The following GCN1 variants were observed in gnomAD, a reference collection of about 807,000 sequenced individuals.
GCN1 encodes the protein stalled ribosome sensor GCN1.
GCN1 carries 90 observed loss-of-function variants against 288.4 expected under a neutral mutation model. That is an observed-to-expected ratio of 0.31 (90% CI 0.26 to 0.37). The LOEUF (loss-of-function observed/expected upper bound fraction) is 0.37, where lower values mean the gene tolerates loss of function less well. Ranked by LOEUF, GCN1 falls within the 10% of genes least tolerant of loss-of-function variation. The probability of loss-of-function intolerance (pLI) is 1.00; values close to 1 mark genes in which losing one functional copy is unlikely to be tolerated. For missense variants in GCN1, 2,586 were observed against 3,419.9 expected (o/e 0.76, Z 6.08); for synonymous variants, 1,386 against 1,420.2 (o/e 0.98, Z 0.54).
intron 3 of GCN1, 22 bp downstream of exon 3, chr12:120,184,802 G>A (rs1363680812): frequency 5.7e-6 from 9 of 1,569,478 alleles, no homozygotes; most frequent in Non-Finnish European, 7.9e-6. Context: ...CTCCACATAT[G>A]GGGCCTTTGG....
rs1877231259 is a variant in GCN1, at chr12:120,142,559, A to T, written c.5777T>A (p.Leu1926His). 1.2e-6 allele frequency: 2 copies of T among 1,613,898 alleles called. No individual in the cohort carries two copies. Among genetic ancestry groups the T allele is most frequent in the African/African-American group, 2.7e-5 (2 of 74,908 alleles). ...CAGGAAACCCAGCAGGAGCCCAAAGAGAGTGGGTAGGATCTCACGCAAGGT... is the reference window on the plus strand; with the variant it reads ...CAGGAAACCCAGCAGGAGCCCAAAGTGAGTGGGTAGGATCTCACGCAAGGT... The part of the protein sequence containing the change: ...PRTLREILPT[L>H]FGLLLGFLAS... The change falls in exon 44 of 58, where the codon CTC becomes CAC. Residue 1926 changes from leucine to histidine, a missense_variant. Leu to His is a moderately conservative substitution (Grantham distance 99). This residue lies in a region of GCN1 where 437 missense variants were observed against 570.5 expected (regional missense o/e 0.77). Coordinates refer to ENST00000300648, the MANE Select transcript of GCN1 (RefSeq NM_006836.2). The surrounding 1 kb of genome is among the most constrained non-coding windows in gnomAD (Gnocchi z 4.9).
At chr12:120,180,843 A>G (rs1484191453) in intron 5 of GCN1, among the ~76,000 whole-genome samples, 3 of 151,554 alleles carry the variant, frequency 2.0e-5, no homozygotes, top group Admixed American at 1.3e-4. Context: ...AAAAAAAATT[A>G]GCTGGGCATG....
chr12:120,151,470 A>G, intron 33 of GCN1, 79 bp from the exon 34 acceptor site: 1 of 1,439,598 alleles, frequency 6.9e-7, no homozygotes, highest in Non-Finnish European at 9.5e-7. Context: ...ACCATTCTAC[A>G]CAGCACCCAC....
chr12:120,193,749 T>G (rs1243997042), intron 1 of GCN1, among the ~76,000 whole-genome samples: 4 of 152,228 alleles, frequency 2.6e-5, no homozygotes, highest in Non-Finnish European at 5.9e-5. Context: ...CCTCTCATAC[T>G]AAGCTTTTCT....
intron 34 of GCN1, 148 bp from the exon 35 acceptor site, chr12:120,150,191 G>A: frequency 2.8e-6 from 2 of 719,764 alleles, no homozygotes; most frequent in Non-Finnish European, 2.3e-6. Context: ...GCCCCATGAG[G>A]AGGCAGCACC....
intron 15 of GCN1, among the ~76,000 whole-genome samples, chr12:120,169,825 C>G (rs935730208): frequency 2.0e-5 from 3 of 152,344 alleles, no homozygotes; most frequent in Admixed American, 6.5e-5. Flanking sequence ...AAAGACAGGG[C>G]TAAGGGGAAG....
At position 120,134,437 on chromosome 12, in the gene GCN1, G is replaced by A; in HGVS notation, c.7203-32C>T. On this transcript the variant is annotated intron_variant, in intron 52 of 57. Transcript: ENST00000300648. This position sits in a 1 kb window ranked among gnomAD's most constrained non-coding sequence, Gnocchi z 5.0. ...AAGCAATGCACCGCCTTAAGCCCTGGGTGCCTCCACCACCACCCCTCCTGC... is the reference window on the plus strand; with the variant it reads ...AAGCAATGCACCGCCTTAAGCCCTGAGTGCCTCCACCACCACCCCTCCTGC... The A allele has an allele frequency of 1.9e-6, 3 of 1,596,400 alleles. No homozygotes were observed. Among genetic ancestry groups the A allele is most frequent in the Non-Finnish European group, 2.6e-6 (3 of 1,164,196 alleles).
chr12:120,170,789 TC>T (rs909701313), intron 14 of GCN1, among the ~76,000 whole-genome samples: 16 of 151,778 alleles, frequency 1.1e-4, no homozygotes, highest in African/African-American at 1.9e-4. Context: ...CTGGTACTCT[TC>T]CCCCATACAG....
In GCN1 at chr12:120,137,976, G is replaced by C; in HGVS notation, c.6318C>G (p.Thr2106=). The stretch of plus-strand genomic sequence containing the variant: ...CTGGGAGGATCACGCCAAGATGACG[G>C]GTGAGGGCATCACCAGCCACTGACG... ...FLSSVAGDAL[T]RHLGVILPAV... is the part of the protein sequence containing the mutation. The change falls in exon 48 of 58, where the codon ACC becomes ACG. Residue 2106 remains threonine, a synonymous_variant. Transcript: ENST00000300648. This position sits in a 1 kb window ranked among gnomAD's most constrained non-coding sequence, Gnocchi z 5.2. 1.2e-6 allele frequency: 2 copies of C among 1,614,140 alleles called. No homozygotes were observed. The highest frequency in any genetic ancestry group is 1.7e-6 in the Non-Finnish European group (2 of 1,180,014).
chr12:120,164,502 G>A lies in GCN1; in HGVS notation c.1689-7C>T, dbSNP rs766196595. ...CAGAGCCCGGTGGTACTGCCTGCAA[G>A]CACAGGGACAGACAGGTCTGGGGGA... is the stretch of plus-strand genomic sequence containing the variant. On this transcript the variant is annotated splice_polypyrimidine_tract_variant and splice_region_variant and intron_variant, in intron 17 of 57. Coordinates refer to ENST00000300648, the MANE Select transcript of GCN1 (RefSeq NM_006836.2). 20 of 1,613,410 alleles carry A rather than the reference G, an allele frequency of 1.2e-5. 1 individual carries two copies. The Admixed American group carries it at 1.5e-4, about 12-fold the overall frequency.
chr12:120,153,402 G>A lies in GCN1; in HGVS notation c.3873C>T (p.Asn1291=), dbSNP rs769628487. The change falls in exon 33 of 58, where the codon AAC becomes AAT. Residue 1291 remains asparagine (N), a synonymous_variant. Coordinates refer to ENST00000300648, the MANE Select transcript of GCN1 (RefSeq NM_006836.2). This position sits in a 1 kb window ranked among gnomAD's most constrained non-coding sequence, Gnocchi z 4.4. ...CGAATACTGGCAACAGCGAGTTGAC[G>A]TTCTCCTGGAAAGCCAAACCCCTCA... ...LATLNTHGKE[N]VNSLLPVFEE... The A allele has an allele frequency of 8.1e-6, 13 of 1,613,754 alleles. No homozygotes were observed. Among genetic ancestry groups the A allele is most frequent in the African/African-American group, 2.7e-5 (2 of 75,046 alleles).
Position 120,156,742 on chromosome 12 carries a change from C to A in GCN1, c.3169-138G>T. 1.0e-6 allele frequency: 1 copy of A among 960,834 alleles called. No homozygotes were observed. The highest frequency in any genetic ancestry group is 1.6e-6 in the Non-Finnish European group (1 of 623,774). The allele number at this position is 960,834 out of a possible 1,614,324, so 59.5% of individuals were successfully genotyped here. A position where few individuals can be genotyped will look rare whatever the true frequency, so the allele number is the denominator to read the frequency against. ...CCCAGCTCCAGTGGCAGGACCCAAG[C>A]AAAACCCCTCACTAGCTAACAACAG... On this transcript the variant is annotated intron_variant, in intron 27 of 57. Coordinates refer to ENST00000300648, the MANE Select transcript of GCN1 (RefSeq NM_006836.2). The surrounding 1 kb of genome is among the most constrained non-coding windows in gnomAD (Gnocchi z 5.8).
rs777063600 is a variant in GCN1, at chr12:120,160,193, C to T, written c.2499G>A (p.Met833Ile). Residue 833 changes from methionine (M) to isoleucine (I), a missense_variant, in exon 23 of 58, where the codon ATG (methionine) becomes ATA (isoleucine). Physicochemically the swap from Met to Ile is conservative, Grantham distance 10. Around this residue, in one of 8 missense-constraint regions of GCN1, gnomAD observed 913 missense variants for 1,107.0 expected, o/e 0.82. Transcript: ENST00000300648. Reference sequence around the variant, plus strand: ...CCTCCCTGTCTAGCTGGGCCTGCAGCATCTCCTTCTGCTTGCTGGTCAGCT... The same window carrying T: ...CCTCCCTGTCTAGCTGGGCCTGCAGTATCTCCTTCTGCTTGCTGGTCAGCT... The part of the protein sequence containing the change: ...EVQLTSKQKE[M>I]LQAQLDREAQ... 3 of 1,612,418 alleles carry T rather than the reference C, an allele frequency of 1.9e-6. No homozygotes were observed. The highest frequency in any genetic ancestry group is 2.2e-5 in the South Asian group (2 of 91,078).
intron 20 of GCN1, 118 bp from the exon 21 acceptor site, chr12:120,162,176 C>A: frequency 1.2e-6 from 1 of 803,014 alleles, no homozygotes. Context: ...CCTTGTTACT[C>A]CTGGGCAATG....
intron 45 of GCN1, among the ~76,000 whole-genome samples, chr12:120,139,108 G>A (rs931848717): frequency 1.3e-5 from 2 of 152,058 alleles, no homozygotes; most frequent in Non-Finnish European, 2.9e-5. Context: ...CCAGGAGTTC[G>A]AGACCAGCCT....
chr12:120,169,628 C>T (rs865927547), intron 15 of GCN1, among the ~76,000 whole-genome samples: 1 of 152,078 alleles, frequency 6.6e-6, no homozygotes, highest in Non-Finnish European at 1.5e-5. Context: ...CTCAGCCTCC[C>T]GAGTAGCTGA....
chr12:120,163,315 C>G, intron 18 of GCN1, 56 bp from the exon 19 acceptor site: 1 of 1,420,926 alleles, frequency 7.0e-7, no homozygotes, highest in Non-Finnish European at 9.9e-7. Context: ...GCTTGGAACA[C>G]AGGAACCAAA....
Position 120,134,178 on chromosome 12 carries a change from T to C in GCN1, c.7317+113A>G, listed in dbSNP as rs1876920022. The C allele has an allele frequency of 1.5e-6, 1 of 678,054 alleles. No homozygotes were observed. The highest frequency in any genetic ancestry group is 1.7e-5 in the South Asian group (1 of 58,058). 42.0% of individuals were successfully genotyped at this position (678,054 alleles called of 1,614,324 possible). On this transcript the variant is annotated intron_variant, in intron 53 of 57. Coordinates refer to ENST00000300648, the MANE Select transcript of GCN1 (RefSeq NM_006836.2). This position sits in a 1 kb window ranked among gnomAD's most constrained non-coding sequence, Gnocchi z 5.0. ...TACAGGGTGATAGAAATGTCAGGAATGCTTATTACTACTGAGCTGTACTGG... is the reference window on the plus strand; with the variant it reads ...TACAGGGTGATAGAAATGTCAGGAACGCTTATTACTACTGAGCTGTACTGG...
chr12:120,160,426 A>T, intron 22 of GCN1, 171 bp from the exon 23 acceptor site: 1 of 599,142 alleles, frequency 1.7e-6, no homozygotes, highest in Non-Finnish European at 3.0e-6. Context: ...GTCCACAGCC[A>T]CCTGGTTTCT....
Sources: allele counts gnomAD v4.1 joint callset (sites outside exome capture counted in the v4.1 genomes callset), GRCh38; gene constraint gnomAD v4.1.1; regional missense constraint gnomAD v4.1.1; non-coding constraint Gnocchi (gnomAD v3.1); transcripts MANE v1.5; gene names NCBI Gene and HGNC (gene_info 2026-07-23, HGNC 2026-07-21).